PAMR1: variants seen among roughly 807,000 people sequenced by gnomAD.
PAMR1 encodes peptidase domain containing associated with muscle regeneration 1, also known as inactive serine protease PAMR1.
A neutral mutation model predicts 81.8 loss-of-function variants in PAMR1; 88 were observed. The ratio of observed to expected loss-of-function variants is 1.08; its 90% CI spans 0.91 to 1.28. PAMR1 has a LOEUF of 1.28. Ranked by LOEUF, PAMR1 falls within the 50% of genes most tolerant of loss-of-function variation. PAMR1 has a pLI of 0.00. For synonymous variants in PAMR1, 336 were observed against 345.3 expected (o/e 0.97, Z 0.30); for missense variants, 935 against 919.7 (o/e 1.02, Z -0.21).
chr11:35,451,374 C>T (rs1264845169), intron 6 of PAMR1, among the ~76,000 whole-genome samples: 2 of 152,224 alleles, frequency 1.3e-5, no homozygotes, highest in Non-Finnish European at 2.9e-5. Context: ...GACATACAAA[C>T]ACCTCTGCCC....
intron 6 of PAMR1, among the ~76,000 whole-genome samples, chr11:35,442,494 T>A (rs555680187): frequency 6.6e-6 from 1 of 152,232 alleles, no homozygotes; most frequent in Non-Finnish European, 1.5e-5. Context: ...ATGACTTGCC[T>A]AAGGAAGCCG....
At chr11:35,474,372 G>A (rs1565342403) in intron 4 of PAMR1, among the ~76,000 whole-genome samples, 1 of 152,224 alleles carries the variant, frequency 6.6e-6, no homozygotes, top group Non-Finnish European at 1.5e-5. Context: ...TTGCGGATGG[G>A]TAGATTGCTC....
chr11:35,470,314 A>G (rs541171521), intron 5 of PAMR1, among the ~76,000 whole-genome samples: 1 of 152,296 alleles, frequency 6.6e-6, no homozygotes, highest in South Asian at 2.1e-4. Context: ...TTGGGTACAA[A>G]TCCCTAGTTC....
chr11:35,503,302 G>C (rs1373678441), intron 1 of PAMR1, among the ~76,000 whole-genome samples: 1 of 142,646 alleles, frequency 7.0e-6, no homozygotes, highest in Non-Finnish European at 1.5e-5. Flanking sequence ...TTTTTTTCTT[G>C]CTCAGGATTG....
Position 35,439,671 on chromosome 11 carries a change from T to G in PAMR1, c.1056A>C (p.Ser352=), listed in dbSNP as rs1211742997. The G allele has an allele frequency of 3.7e-6, 6 of 1,613,970 alleles. 1 individual carries two copies. The South Asian group carries it at 6.6e-5, about 18-fold the overall frequency. ...CIKACREPKI[S]DLVRRRVLPM... is the part of the protein sequence containing the mutation. Reference sequence around the variant, plus strand: ...GAAGAACTCTCCTTCTCACCAGGTCTGAAATCTTTGGTTCTCGGCAGGCTA... The same window carrying G: ...GAAGAACTCTCCTTCTCACCAGGTCGGAAATCTTTGGTTCTCGGCAGGCTA... Residue 352 remains serine, a synonymous_variant, in exon 8 of 11, where the codon TCA becomes TCC. Transcript: ENST00000619888.
chr11:35,476,953 T>C (rs1156950909), intron 3 of PAMR1, among the ~76,000 whole-genome samples: 2 of 152,108 alleles, frequency 1.3e-5, no homozygotes, highest in East Asian at 3.9e-4. Flanking sequence ...CTTCTGCATC[T>C]CTTTCCTGTA....
At chr11:35,520,498 TTGGAATCTAATAGAGTTTCTGCCAC>T (rs1851251585) in intron 1 of PAMR1, among the ~76,000 whole-genome samples, 1 of 152,222 alleles carries the variant, frequency 6.6e-6, no homozygotes, top group Non-Finnish European at 1.5e-5. Flanking sequence ...TAGACCAGGC[TTGGAATCTAATAGAGTTTCTGCCAC>T]TGATCTGGTG....
intron 6 of PAMR1, among the ~76,000 whole-genome samples, chr11:35,460,487 C>A (rs971432859): frequency 6.6e-6 from 1 of 152,108 alleles, no homozygotes; most frequent in Non-Finnish European, 1.5e-5. Flanking sequence ...CCCCCCACCC[C>A]ACAACAGGCC....
intron 6 of PAMR1, among the ~76,000 whole-genome samples, chr11:35,445,846 T>A (rs1466685059): frequency 6.6e-6 from 1 of 152,262 alleles, no homozygotes; most frequent in Non-Finnish European, 1.5e-5. Flanking sequence ...GCTGGCCTCA[T>A]AAAATAAGTT....
intron 6 of PAMR1, among the ~76,000 whole-genome samples, chr11:35,449,550 C>T (rs1008511174): frequency 1.3e-5 from 2 of 152,222 alleles, no homozygotes; most frequent in African/African-American, 4.8e-5. Flanking sequence ...CTGTCCAAAC[C>T]GTCCGATCTT....
intron 7 of PAMR1, among the ~76,000 whole-genome samples, chr11:35,440,726 C>A (rs1856147274): frequency 6.6e-6 from 1 of 152,176 alleles, no homozygotes; most frequent in African/African-American, 2.4e-5. Flanking sequence ...CTTTTCTGTC[C>A]AACCTACATA....
intron 3 of PAMR1, among the ~76,000 whole-genome samples, chr11:35,484,790 C>G (rs907258699): frequency 8.5e-5 from 13 of 152,196 alleles, no homozygotes; most frequent in Non-Finnish European, 2.9e-5. Context: ...CACTGCCATG[C>G]CAGCTAGAAG....
chr11:35,510,340 A>G (rs2135417721), intron 1 of PAMR1, among the ~76,000 whole-genome samples: 1 of 152,258 alleles, frequency 6.6e-6, no homozygotes, highest in African/African-American at 2.4e-5. Context: ...TCTTGGTCTT[A>G]TACATTCTAT....
chr11:35,444,261 T>C (rs958973265), intron 6 of PAMR1, among the ~76,000 whole-genome samples: 8 of 152,210 alleles, frequency 5.3e-5, no homozygotes, highest in African/African-American at 1.9e-4. Context: ...GTCAGTTGGA[T>C]AGGTTCCAAA....
rs146160132 is a variant in PAMR1, at chr11:35,474,577, A to G, written c.494+53T>C. 7.6e-6 allele frequency: 8 copies of G among 1,046,958 alleles called. No individual in the cohort carries two copies. In the African/African-American group the frequency reaches 1.1e-4, roughly 15 times the overall value. 64.9% of individuals were successfully genotyped at this position (1,046,958 alleles called of 1,614,324 possible). A position where few individuals can be genotyped will look rare whatever the true frequency, so the allele number is the denominator to read the frequency against. ...CCAGTGACCAAGAGCCTTCCATCCC[A>G]TTTCTGTATCCTTATAACCTCAGAC... On this transcript the variant is annotated intron_variant, in intron 4 of 10. Transcript: ENST00000619888.
At chr11:35,467,484 T>A (rs997152535) in intron 6 of PAMR1, among the ~76,000 whole-genome samples, 2 of 152,216 alleles carry the variant, frequency 1.3e-5, no homozygotes, top group African/African-American at 4.8e-5. Context: ...TGTTAAAACA[T>A]GACCATATAG....
chr11:35,516,317 C>A (rs1225185200), intron 1 of PAMR1, among the ~76,000 whole-genome samples: 2 of 152,178 alleles, frequency 1.3e-5, no homozygotes, highest in African/African-American at 2.4e-5. Flanking sequence ...CAAATATGCA[C>A]CTCATATGCC....
chr11:35,481,449 A>G (rs1470068666), intron 3 of PAMR1, among the ~76,000 whole-genome samples: 1 of 152,174 alleles, frequency 6.6e-6, no homozygotes, highest in East Asian at 1.9e-4. Context: ...CATTTCTCTA[A>G]TAATCAGTGA....
At chr11:35,444,788 C>A (rs1487725537) in intron 6 of PAMR1, among the ~76,000 whole-genome samples, 5 of 152,120 alleles carry the variant, frequency 3.3e-5, no homozygotes, top group Admixed American at 3.3e-4. Context: ...CCTTCAGCTT[C>A]ATTCTTTTTG....
Sources: allele counts gnomAD v4.1 joint callset (sites outside exome capture counted in the v4.1 genomes callset), GRCh38; gene constraint gnomAD v4.1.1; transcripts MANE v1.5; gene names NCBI Gene and HGNC (gene_info 2026-07-23, HGNC 2026-07-21).